TNFSF8: variants seen among roughly 807,000 people sequenced by gnomAD.
The protein encoded by TNFSF8 is tumor necrosis factor ligand superfamily member 8.
A neutral mutation model predicts 22.0 loss-of-function variants in TNFSF8; 4 were observed. The observed-to-expected ratio is 0.18, with a 90% confidence interval of 0.09 to 0.42. The LOEUF (loss-of-function observed/expected upper bound fraction) is 0.42, where lower values mean the gene tolerates loss of function less well. TNFSF8 is among the 10% of genes least tolerant of loss of function. TNFSF8 has a pLI of 1.00. For synonymous variants in TNFSF8, 106 were observed against 112.5 expected (o/e 0.94, Z 0.37); for missense variants, 233 against 281.8 (o/e 0.83, Z 1.24).
chr9:114,906,238 A>G (rs1827783316), intron 2 of TNFSF8, among the ~76,000 whole-genome samples: 1 of 152,152 alleles, frequency 6.6e-6, no homozygotes, highest in Admixed American at 6.6e-5. Context: ...CAACTCTGTG[A>G]GAGGGGTATT....
intron 2 of TNFSF8, among the ~76,000 whole-genome samples, chr9:114,909,667 G>A (rs191232436): frequency 6.6e-6 from 1 of 152,318 alleles, no homozygotes; most frequent in East Asian, 1.9e-4. Flanking sequence ...CCTGCTGGTG[G>A]TGGGGGTGGG....
At chr9:114,909,667 G>T (rs191232436) in intron 2 of TNFSF8, among the ~76,000 whole-genome samples, 2 of 152,200 alleles carry the variant, frequency 1.3e-5, no homozygotes, top group Non-Finnish European at 2.9e-5. Context: ...CCTGCTGGTG[G>T]TGGGGGTGGG....
At chr9:114,908,873 A>G (rs943512928) in intron 2 of TNFSF8, among the ~76,000 whole-genome samples, 2 of 152,154 alleles carry the variant, frequency 1.3e-5, no homozygotes, top group African/African-American at 4.8e-5. Context: ...AAGACCCCAG[A>G]GAAGGGCACA....
At position 114,918,161 on chromosome 9, in the gene TNFSF8, G is replaced by A. The variant is rs756306302; in HGVS notation, c.196-23C>T. The stretch of plus-strand genomic sequence containing the variant: ...GTCCTGGAAGAAAAGAAAGAAAAAA[G>A]CAGCATGAGGTGTGACATTCAGTTG... On this transcript the variant is annotated intron_variant, in intron 1 of 3. Coordinates refer to ENST00000223795, the MANE Select transcript of TNFSF8 (RefSeq NM_001244.4). 22 of 1,598,182 alleles carry A rather than the reference G, an allele frequency of 1.4e-5. No individual in the cohort carries two copies. In the Admixed American group the frequency reaches 3.8e-4, roughly 28 times the overall value.
At chr9:114,895,126 C>G (rs1031949262) in intron 4 of TNFSF8, among the ~76,000 whole-genome samples, 4 of 152,192 alleles carry the variant, frequency 2.6e-5, no homozygotes, top group Admixed American at 6.5e-5. Context: ...GGAGGATCAG[C>G]CTTCAAATCA....
intron 2 of TNFSF8, among the ~76,000 whole-genome samples, chr9:114,908,498 C>T (rs894771301): frequency 8.5e-5 from 13 of 152,174 alleles, no homozygotes; most frequent in African/African-American, 2.9e-4. Context: ...TTACACTGTT[C>T]TCCTTACCCC....
rs1827776495 is a variant in TNFSF8, at chr9:114,905,750, G to A, written c.310+78C>T. On this transcript the variant is annotated intron_variant, in intron 3 of 3. Coordinates refer to ENST00000223795, the MANE Select transcript of TNFSF8 (RefSeq NM_001244.4). ...CATTTGGCCATGGGACTCTAATTAT[G>A]ACTTCTGGCTTAAAAGTTGCTGAAA... 3 of 1,142,922 alleles carry A rather than the reference G, an allele frequency of 2.6e-6. No individual in the cohort carries two copies. In the East Asian group the frequency reaches 7.0e-5, roughly 27 times the overall value. 70.8% of individuals were successfully genotyped at this position (1,142,922 alleles called of 1,614,324 possible). A position where few individuals can be genotyped will look rare whatever the true frequency, so the allele number is the denominator to read the frequency against.
chr9:114,929,622 C>A (rs1410155518), intron 1 of TNFSF8, among the ~76,000 whole-genome samples: 2 of 152,076 alleles, frequency 1.3e-5, no homozygotes, highest in African/African-American at 2.4e-5. Flanking sequence ...ACCTCAGAAT[C>A]CAGTCTGAAG....
chr9:114,929,265 A>G (rs1403134583), intron 1 of TNFSF8, among the ~76,000 whole-genome samples: 1 of 152,188 alleles, frequency 6.6e-6, no homozygotes, highest in Non-Finnish European at 1.5e-5. Flanking sequence ...GACCCTGTAC[A>G]GTGTGTACCC....
chr9:114,924,148 C>G (rs1280969530), intron 1 of TNFSF8, among the ~76,000 whole-genome samples: 3 of 152,140 alleles, frequency 2.0e-5, no homozygotes, highest in African/African-American at 7.2e-5. Flanking sequence ...CGGTGCTTCT[C>G]AAACTTTAAT....
chr9:114,925,709 AAAG>A (rs1259983826), intron 1 of TNFSF8, among the ~76,000 whole-genome samples: 1 of 152,160 alleles, frequency 6.6e-6, no homozygotes, highest in African/African-American at 2.4e-5. Context: ...ATTTTTAAAA[AAAG>A]AATTTTTTTT....
At chr9:114,924,093 A>G (rs1306740090) in intron 1 of TNFSF8, among the ~76,000 whole-genome samples, 2 of 152,240 alleles carry the variant, frequency 1.3e-5, no homozygotes, top group African/African-American at 2.4e-5. Flanking sequence ...AAAAAAGGTC[A>G]ATGTTATTTA....
intron 2 of TNFSF8, among the ~76,000 whole-genome samples, chr9:114,911,731 C>G (rs150387087): frequency 1.3e-3 from 199 of 152,196 alleles, no homozygotes; most frequent in African/African-American, 4.7e-3. Context: ...TGCCTCCCCC[C>G]GCCCCCTGCC....
rs139312142 is a variant in TNFSF8 at position 114,917,205 on chromosome 9, C to T, written c.238+891G>A. The stretch of plus-strand genomic sequence containing the variant: ...TCTTGTGCCACTACCCTGGTGCCTA[C>T]ATTAACTCACTTCCTTACTTTTTGC... On this transcript the variant is annotated intron_variant, in intron 2 of 3. Coordinates refer to ENST00000223795, the MANE Select transcript of TNFSF8 (RefSeq NM_001244.4). Among the ~76,000 whole-genome samples the T allele has an allele frequency of 1.8e-3, 281 of 152,324 alleles. 2 individuals carry two copies. The highest frequency in any genetic ancestry group is 6.4e-3 in the African/African-American group (268 of 41,584).
At chr9:114,928,528 T>C (rs1248823021) in intron 1 of TNFSF8, among the ~76,000 whole-genome samples, 1 of 152,152 alleles carries the variant, frequency 6.6e-6, no homozygotes, top group African/African-American at 2.4e-5. Context: ...CCACCATCTC[T>C]CTCTCTCTCT....
At chr9:114,898,996 C>T (rs1364882208), downstream of TNFSF8, among the ~76,000 whole-genome samples, 1 of 152,154 alleles carries the variant, frequency 6.6e-6, no homozygotes, top group Non-Finnish European at 1.5e-5. Context: ...AACCAGTGCA[C>T]ATCTGCAACA....
intron 4 of TNFSF8, among the ~76,000 whole-genome samples, chr9:114,894,738 T>C (rs1317795373): frequency 1.3e-5 from 2 of 152,236 alleles, no homozygotes; most frequent in African/African-American, 4.8e-5. Flanking sequence ...ATAGTAATTA[T>C]ATCTATTTAC....
Position 114,912,086 on chromosome 9 carries a change from C to T in TNFSF8, c.238+6010G>A, listed in dbSNP as rs185888910. Among the ~76,000 whole-genome samples, 103 of 152,316 alleles carry T rather than the reference C, an allele frequency of 6.8e-4. 2 individuals are homozygous for T. The highest frequency in any genetic ancestry group is 2.4e-3 in the African/African-American group (100 of 41,568). On this transcript the variant is annotated intron_variant, in intron 2 of 3. Coordinates refer to ENST00000223795, the MANE Select transcript of TNFSF8 (RefSeq NM_001244.4). ...TTAGAAAGTTAGACAGACTTATGTT[C>T]AAATTCCACGTCTGCCATTACTAGC...
rs765047583 is a variant in TNFSF8 at position 114,903,803 on chromosome 9, G to T, written c.*128C>A. 314 of 1,453,618 alleles carry T rather than the reference G, an allele frequency of 2.2e-4. No homozygotes were observed. The Middle Eastern group carries it at 2.8e-3, about 13-fold the overall frequency. 90.0% of individuals were successfully genotyped at this position (1,453,618 alleles called of 1,614,324 possible). A position where few individuals can be genotyped will look rare whatever the true frequency, so the allele number is the denominator to read the frequency against. ...TGTATCTTTCCAAGAGACAGAAGGA[G>T]AAGTATACTATTTAATACCCTGTGT... is the stretch of plus-strand genomic sequence containing the variant. On this transcript the variant is annotated 3_prime_UTR_variant, in exon 4 of 4. Transcript: ENST00000223795.
Sources: allele counts gnomAD v4.1 joint callset (sites outside exome capture counted in the v4.1 genomes callset), GRCh38; gene constraint gnomAD v4.1.1; transcripts MANE v1.5; gene names NCBI Gene and HGNC (gene_info 2026-07-23, HGNC 2026-07-21).